FBXL17: variants seen among roughly 807,000 people sequenced by gnomAD.
FBXL17 encodes the protein F-box/LRR-repeat protein 17.
Under a neutral mutation model 66.2 loss-of-function variants are expected in FBXL17, and 22 were observed. The ratio of observed to expected loss-of-function variants is 0.33; its 90% CI spans 0.24 to 0.47. FBXL17 has a LOEUF of 0.47. Ranked by LOEUF, FBXL17 falls within the 20% of genes least tolerant of loss-of-function variation. FBXL17 has a pLI of 1.00. For missense variants in FBXL17, 878 were observed against 948.2 expected (o/e 0.93, Z 0.97); for synonymous variants, 474 against 400.5 (o/e 1.18, Z -2.19).
chr5:108,256,941 A>C (rs1756601196), intron 4 of FBXL17, among the ~76,000 whole-genome samples: 1 of 152,076 alleles, frequency 6.6e-6, no homozygotes, highest in African/African-American at 2.4e-5. Context: ...ATATTTTTAA[A>C]GTTGTGTTGT....
intron 7 of FBXL17, among the ~76,000 whole-genome samples, chr5:107,974,368 C>T (rs1162425226): frequency 6.6e-6 from 1 of 152,146 alleles, no homozygotes; most frequent in Admixed American, 6.5e-5. Flanking sequence ...AGACTTCAAA[C>T]TAGATACCCT....
At chr5:108,148,257 C>G (rs1751635280) in intron 6 of FBXL17, among the ~76,000 whole-genome samples, 1 of 144,174 alleles carries the variant, frequency 6.9e-6, no homozygotes, top group African/African-American at 2.6e-5. Flanking sequence ...ATTAAAATAT[C>G]AGATAATAAG....
intron 6 of FBXL17, among the ~76,000 whole-genome samples, chr5:108,097,662 G>A (rs1039075027): frequency 1.8e-4 from 27 of 152,004 alleles, no homozygotes; most frequent in Admixed American, 1.6e-3. Context: ...GGTGGTGCAC[G>A]CCTGTAATCC....
chr5:108,150,209 C>A (rs1751716506), intron 6 of FBXL17, among the ~76,000 whole-genome samples: 1 of 152,104 alleles, frequency 6.6e-6, no homozygotes, highest in Non-Finnish European at 1.5e-5. Context: ...TTATCATACC[C>A]AAGAAATTTA....
chr5:108,190,798 T>A (rs1047865959), intron 5 of FBXL17, among the ~76,000 whole-genome samples: 4 of 152,206 alleles, frequency 2.6e-5, no homozygotes, highest in African/African-American at 7.2e-5. Flanking sequence ...ACCATTTTTT[T>A]AAACCACATT....
chr5:107,862,808 G>A (rs77845409), intron 8 of FBXL17, among the ~76,000 whole-genome samples: 26,108 of 143,554 alleles, frequency 0.18, 3,178 homozygotes, highest in Middle Eastern at 0.34. Context: ...GGAAAAACCT[G>A]AAACAACATC....
intron 4 of FBXL17, among the ~76,000 whole-genome samples, chr5:108,258,737 A>ATTTTTTTTTTT (rs759401052): frequency 8.1e-6 from 1 of 122,892 alleles, no homozygotes; most frequent in African/African-American, 3.0e-5. Flanking sequence ...GGCCTTTAAC[A>ATTTTTTTTTTT]TTTTTTTTTT....
At chr5:108,215,364 T>C (rs1754554963) in intron 5 of FBXL17, among the ~76,000 whole-genome samples, 1 of 152,242 alleles carries the variant, frequency 6.6e-6, no homozygotes, top group Non-Finnish European at 1.5e-5. Flanking sequence ...CACTTCTTTG[T>C]CAACACTTGC....
Position 107,859,388 on chromosome 5 carries a change from CTGTTTT to C in FBXL17, c.*2326_*2331del, listed in dbSNP as rs1748058206. On this transcript the variant is annotated 3_prime_UTR_variant, in exon 9 of 9. Transcript: ENST00000542267. ...CACTCAAGGTGATGCTTTTTTCTGGCTGTTTTTTTTTTTTTTTTTTTTTTTTTTTGA... is the reference window on the plus strand; with the variant it reads ...CACTCAAGGTGATGCTTTTTTCTGGCTTTTTTTTTTTTTTTTTTTTTTTGA... The C allele has an allele frequency of 4.4e-5, 3 of 68,462 alleles. No homozygotes were observed. Among genetic ancestry groups the C allele is most frequent in the Non-Finnish European group, 9.1e-5 (3 of 33,102 alleles). 4.2% of individuals were successfully genotyped at this position (68,462 alleles called of 1,614,324 possible).
chr5:108,184,611 G>C (rs1421316251), intron 6 of FBXL17, among the ~76,000 whole-genome samples: 2 of 151,688 alleles, frequency 1.3e-5, no homozygotes, highest in Non-Finnish European at 2.9e-5. Context: ...CCAGCCAGTG[G>C]TGCACACTTG....
chr5:108,374,135 T>C (rs1294932892), intron 1 of FBXL17, among the ~76,000 whole-genome samples: 2 of 152,298 alleles, frequency 1.3e-5, no homozygotes, highest in Admixed American at 6.5e-5. Context: ...CTTTCAATAA[T>C]GGATAGAACA....
intron 7 of FBXL17, among the ~76,000 whole-genome samples, chr5:107,995,500 T>C (rs1032300835): frequency 2.0e-5 from 3 of 152,116 alleles, no homozygotes; most frequent in Admixed American, 6.6e-5. Flanking sequence ...GTAGGACTTA[T>C]TTGAGAGAGG....
intron 1 of FBXL17, among the ~76,000 whole-genome samples, chr5:108,369,888 T>C (rs1000662605): frequency 4.6e-5 from 7 of 152,174 alleles, no homozygotes; most frequent in African/African-American, 7.2e-5. Context: ...AAATGTGACC[T>C]ATACATTTAA....
At chr5:108,221,565 G>A (rs1486443695) in intron 5 of FBXL17, among the ~76,000 whole-genome samples, 1 of 152,088 alleles carries the variant, frequency 6.6e-6, no homozygotes, top group East Asian at 1.9e-4. Flanking sequence ...GTGACATCAT[G>A]TATTAAAGAG....
intron 6 of FBXL17, among the ~76,000 whole-genome samples, chr5:108,115,612 T>A (rs1429300522): frequency 6.6e-6 from 1 of 151,722 alleles, no homozygotes; most frequent in African/African-American, 2.4e-5. Context: ...TATTTTCACA[T>A]CTTTCCATCT....
At chr5:108,319,168 AAAATTATAG>A (rs1264399979) in intron 4 of FBXL17, among the ~76,000 whole-genome samples, 2 of 151,938 alleles carry the variant, frequency 1.3e-5, no homozygotes, top group Non-Finnish European at 2.9e-5. Context: ...TAATAGTGTT[AAAATTATAG>A]AAGAAATCTA....
chr5:108,328,873 A>G (rs369796501), intron 4 of FBXL17, among the ~76,000 whole-genome samples: 11 of 152,232 alleles, frequency 7.2e-5, no homozygotes, highest in Non-Finnish European at 1.6e-4. Context: ...TTAACATGTG[A>G]CTAACACTTT....
chr5:108,183,034 A>ATTTTTTT (rs34101023), intron 6 of FBXL17, among the ~76,000 whole-genome samples: 17 of 91,554 alleles, frequency 1.9e-4, no homozygotes, highest in East Asian at 3.0e-4. Flanking sequence ...ACAGTTTTCT[A>ATTTTTTT]TTTTTTTTTT....
chr5:108,018,451 T>C (rs1287901886), intron 7 of FBXL17, among the ~76,000 whole-genome samples: 1 of 152,184 alleles, frequency 6.6e-6, no homozygotes, highest in Non-Finnish European at 1.5e-5. Context: ...ATTACTCATA[T>C]AGCATTGGCA....
Sources: gnomAD v4.1 joint callset for allele counts (sites outside exome capture counted in the v4.1 genomes callset) on GRCh38, gnomAD v4.1.1 for gene constraint, MANE v1.5 for transcripts, NCBI Gene and HGNC (gene_info 2026-07-23, HGNC 2026-07-21) for gene names.